Variants in R3HDM2 observed in about 807,000 individuals in gnomAD.
R3HDM2 encodes R3H domain-containing protein 2.
R3HDM2 carries 38 observed loss-of-function variants against 124.5 expected under a neutral mutation model. The ratio of observed to expected loss-of-function variants is 0.31; its 90% CI spans 0.24 to 0.40. The LOEUF is 0.40. Among genes scored for constraint, R3HDM2 ranks in the 10% least tolerant of loss-of-function variants. The pLI is 1.00. For synonymous variants in R3HDM2, 391 were observed against 448.0 expected (o/e 0.87, Z 1.61); for missense variants, 869 against 1,236.9 (o/e 0.70, Z 4.46).
intron 2 of R3HDM2, among the ~76,000 whole-genome samples, chr12:57,372,599 G>C (rs948480797): frequency 6.6e-6 from 1 of 152,042 alleles, no homozygotes; most frequent in Non-Finnish European, 1.5e-5. Context: ...AATAAACAAT[G>C]GTACTATTTG....
intron 2 of R3HDM2, among the ~76,000 whole-genome samples, chr12:57,369,621 G>T (rs1392538874): frequency 6.6e-6 from 1 of 151,868 alleles, no homozygotes; most frequent in Non-Finnish European, 1.5e-5. Context: ...TTTACCATTC[G>T]AAAAGGCACA....
chr12:57,368,971 C>T (rs962993366), intron 2 of R3HDM2, among the ~76,000 whole-genome samples: 3 of 152,110 alleles, frequency 2.0e-5, no homozygotes, highest in Admixed American at 1.3e-4. Context: ...GTCATGGCTA[C>T]GGTGGGACTA....
chr12:57,275,491 C>T (rs944303260), intron 14 of R3HDM2, among the ~76,000 whole-genome samples: 3 of 129,016 alleles, frequency 2.3e-5, no homozygotes, highest in African/African-American at 5.8e-5. Flanking sequence ...AACTAAAAAA[C>T]GTTTGCATGG....
At chr12:57,384,027 G>T (rs1241199595) in intron 2 of R3HDM2, among the ~76,000 whole-genome samples, 1 of 152,116 alleles carries the variant, frequency 6.6e-6, no homozygotes, top group African/African-American at 2.4e-5. Context: ...GAATACTTAA[G>T]CCTGATCCTC....
At chr12:57,361,804 T>G (rs2061998756) in intron 2 of R3HDM2, among the ~76,000 whole-genome samples, 1 of 152,196 alleles carries the variant, frequency 6.6e-6, no homozygotes, top group Admixed American at 6.6e-5. Context: ...GAGAATTTAA[T>G]GCCAGCAAAA....
chr12:57,256,842 CAG>C (rs1258687621), intron 21 of R3HDM2, among the ~76,000 whole-genome samples: 2 of 146,274 alleles, frequency 1.4e-5, no homozygotes, highest in Non-Finnish European at 3.0e-5. Context: ...TTTTTTGAGA[CAG>C]AGTTTCACTC....
chr12:57,361,368 T>G (rs34537746), intron 2 of R3HDM2, among the ~76,000 whole-genome samples: 50,507 of 112,724 alleles, frequency 0.45, 10,968 homozygotes, highest in Middle Eastern at 0.79. Context: ...AGAACGAAAC[T>G]CTGTCTCAAA....
chr12:57,346,585 G>A (rs2060115062), intron 2 of R3HDM2, among the ~76,000 whole-genome samples: 1 of 152,116 alleles, frequency 6.6e-6, no homozygotes, highest in African/African-American at 2.4e-5. Flanking sequence ...CAGTAATGAA[G>A]ATGAAATAAA....
chr12:57,310,833 T>C (rs1344489602), intron 2 of R3HDM2, among the ~76,000 whole-genome samples: 1 of 152,190 alleles, frequency 6.6e-6, no homozygotes, highest in Non-Finnish European at 1.5e-5. Flanking sequence ...GTTCTGTCAC[T>C]ACAGATTAGT....
chr12:57,311,537 T>C (rs897706521), intron 2 of R3HDM2, among the ~76,000 whole-genome samples: 6 of 152,064 alleles, frequency 3.9e-5, no homozygotes, highest in African/African-American at 1.4e-4. Context: ...GCCCGGCTAA[T>C]TTTTAAGATT....
intron 2 of R3HDM2, among the ~76,000 whole-genome samples, chr12:57,387,223 T>C (rs558047199): frequency 6.6e-6 from 1 of 152,258 alleles, no homozygotes; most frequent in East Asian, 1.9e-4. Context: ...CTTTGTTCTT[T>C]CGCTCTTTGC....
At chr12:57,354,069 GTCTTGAACTCCTGACC>G (rs1278343224) in intron 2 of R3HDM2, among the ~76,000 whole-genome samples, 1 of 151,590 alleles carries the variant, frequency 6.6e-6, no homozygotes, top group South Asian at 2.1e-4. Context: ...GGCCAGGCTG[GTCTTGAACTCCTGACC>G]TCTTGAACTC....
intron 14 of R3HDM2, among the ~76,000 whole-genome samples, chr12:57,275,066 G>A (rs2044371906): frequency 6.6e-6 from 1 of 152,104 alleles, no homozygotes; most frequent in African/African-American, 2.4e-5. Flanking sequence ...TGATTTCAAA[G>A]TATACTATAA....
intron 1 of R3HDM2, among the ~76,000 whole-genome samples, chr12:57,425,453 A>G (rs569723366): frequency 1.2e-4 from 19 of 152,246 alleles, no homozygotes; most frequent in Middle Eastern, 3.4e-3. Context: ...TGTCCTCGCA[A>G]AGGTTTAAGC....
At chr12:57,383,202 C>T (rs2065160911) in intron 2 of R3HDM2, among the ~76,000 whole-genome samples, 1 of 152,120 alleles carries the variant, frequency 6.6e-6, no homozygotes, top group African/African-American at 2.4e-5. Context: ...TGCCTGTAGT[C>T]CCAGCTACTT....
rs113140082 is a variant in R3HDM2 at position 57,296,177 on chromosome 12, CT to C, written c.701+233del. On this transcript the variant is annotated intron_variant, in intron 9 of 23. Coordinates refer to ENST00000402412, the MANE Select transcript of R3HDM2 (RefSeq NM_001394031.1). This position sits in a 1 kb window ranked among gnomAD's most constrained non-coding sequence, Gnocchi z 4.5. ...GCCACTGCGCCCGGCCATTTTTAAA[CT>C]TTTTTTTTTTTTTTAAAGTAATAGA... Among the ~76,000 whole-genome samples the C allele has an allele frequency of 9.9e-3, 1,418 of 143,050 alleles. 13 individuals carry two copies. Among genetic ancestry groups the C allele is most frequent in the East Asian group, 0.052 (257 of 4,962 alleles). The allele number at this position is 143,050 out of a possible 152,430, so 93.8% of individuals were successfully genotyped here. A position where few individuals can be genotyped will look rare whatever the true frequency, so the allele number is the denominator to read the frequency against.
At position 57,254,426 on chromosome 12, in the gene R3HDM2, A is replaced by G; in HGVS notation, c.*347T>C. On this transcript the variant is annotated 3_prime_UTR_variant, in exon 24 of 24. Transcript: ENST00000402412. ...TGAGGCAGGAGAATCACCTGAACCC[A>G]GGAGCTGGAGGTTGCAGTTAGCCAA... The G allele has an allele frequency of 5.9e-6, 2 of 338,300 alleles. No individual in the cohort carries two copies. The highest frequency in any genetic ancestry group is 1.1e-5 in the Non-Finnish European group (2 of 180,846). The allele number at this position is 338,300 out of a possible 1,614,324, so 21.0% of individuals were successfully genotyped here.
intron 1 of R3HDM2, among the ~76,000 whole-genome samples, chr12:57,407,586 T>C (rs1196033398): frequency 1.3e-5 from 2 of 151,068 alleles, no homozygotes; most frequent in Non-Finnish European, 3.0e-5. Context: ...TTTGTGTTTT[T>C]AGTAGAGATG....
chr12:57,355,383 C>T (rs1593801281), intron 2 of R3HDM2, among the ~76,000 whole-genome samples: 2 of 148,204 alleles, frequency 1.3e-5, no homozygotes, highest in South Asian at 2.1e-4. Context: ...GGCGTGAACC[C>T]GAGAGGCAGA....
Sources: gnomAD v4.1 joint callset for allele counts (sites outside exome capture counted in the v4.1 genomes callset) on GRCh38, gnomAD v4.1.1 for gene constraint, Gnocchi (gnomAD v3.1) non-coding constraint, MANE v1.5 for transcripts, NCBI Gene and HGNC (gene_info 2026-07-23, HGNC 2026-07-21) for gene names.